Variants in TRDN observed in about 807,000 individuals in gnomAD.
The protein encoded by TRDN is triadin in skeletal muscle.
In TRDN, 161 loss-of-function variants were observed where a neutral mutation model predicts 149.7. The observed-to-expected ratio is 1.08, with a 90% CI of 0.95 to 1.23. The LOEUF is 1.23. Ranked by LOEUF, TRDN falls within the 50% of genes most tolerant of loss-of-function variation. The pLI is 0.00. For synonymous variants in TRDN, 294 were observed against 250.5 expected (o/e 1.17, Z -1.64); for missense variants, 896 against 823.5 (o/e 1.09, Z -1.08).
intron 27 of TRDN, among the ~76,000 whole-genome samples, 186 bp from the exon 28 acceptor site, chr6:123,273,549 AC>A (rs1486663850): frequency 6.6e-6 from 1 of 152,018 alleles, no homozygotes. Context: ...AAACATATCC[AC>A]CTACAGCAGA....
chr6:123,493,491 A>C (rs1266799543), intron 9 of TRDN, among the ~76,000 whole-genome samples: 1 of 152,180 alleles, frequency 6.6e-6, no homozygotes, highest in Non-Finnish European at 1.5e-5. Flanking sequence ...CTTGGGACTT[A>C]TGTCATAGTG....
chr6:123,614,740 A>C (rs1340765124), intron 1 of TRDN, among the ~76,000 whole-genome samples: 1 of 152,098 alleles, frequency 6.6e-6, no homozygotes, highest in Non-Finnish European at 1.5e-5. Flanking sequence ...TGGTCTGGGA[A>C]AACATTTTAT....
intron 12 of TRDN, among the ~76,000 whole-genome samples, chr6:123,421,800 CT>C (rs370124083): frequency 0.018 from 823 of 45,440 alleles, 14 homozygotes; most frequent in African/African-American, 0.081. Flanking sequence ...GAGACCCTTT[CT>C]CTACAAAAAA....
At chr6:123,594,195 A>G (rs1329274243) in intron 1 of TRDN, among the ~76,000 whole-genome samples, 2 of 152,182 alleles carry the variant, frequency 1.3e-5, no homozygotes, top group African/African-American at 2.4e-5. Flanking sequence ...CCAGAAATTA[A>G]ATGCAGCTAT....
intron 1 of TRDN, among the ~76,000 whole-genome samples, chr6:123,595,952 A>G (rs1784019854): frequency 6.6e-6 from 1 of 152,090 alleles, no homozygotes; most frequent in Non-Finnish European, 1.5e-5. Context: ...CTAAATGTTC[A>G]AATGGGAGGA....
intron 1 of TRDN, among the ~76,000 whole-genome samples, chr6:123,572,408 ATTC>A (rs1264858090): frequency 6.6e-6 from 1 of 152,050 alleles, no homozygotes; most frequent in Admixed American, 6.6e-5. Context: ...GGTGTAACTC[ATTC>A]TTCTTCTATA....
intron 23 of TRDN, among the ~76,000 whole-genome samples, chr6:123,319,711 C>T (rs1291202777): frequency 6.6e-6 from 1 of 152,020 alleles, no homozygotes; most frequent in African/African-American, 2.4e-5. Flanking sequence ...GCCACTGAAG[C>T]CCTTCGTTTT....
chr6:123,530,977 C>T (rs183301993), intron 4 of TRDN, among the ~76,000 whole-genome samples: 1 of 151,984 alleles, frequency 6.6e-6, no homozygotes, highest in African/African-American at 2.4e-5. Context: ...GTGAAATGAA[C>T]TGTAACAACT....
intron 21 of TRDN, among the ~76,000 whole-genome samples, chr6:123,339,613 GT>G (rs1779996933): frequency 6.6e-6 from 1 of 152,144 alleles, no homozygotes; most frequent in African/African-American, 2.4e-5. Context: ...CTAGTAGCTT[GT>G]TTTTTCAAAG....
At chr6:123,517,611 T>A (rs1779474383) in intron 5 of TRDN, among the ~76,000 whole-genome samples, 1 of 152,114 alleles carries the variant, frequency 6.6e-6, no homozygotes, top group South Asian at 2.1e-4. Flanking sequence ...AAAGAATTTC[T>A]CCTTGAACTT....
intron 1 of TRDN, among the ~76,000 whole-genome samples, chr6:123,590,272 G>T (rs1783715295): frequency 6.6e-6 from 1 of 152,114 alleles, no homozygotes; most frequent in South Asian, 2.1e-4. Context: ...ATAGGATCAT[G>T]AACCCTATAG....
chr6:123,257,522 A>T (rs1473434876), intron 35 of TRDN, among the ~76,000 whole-genome samples: 2 of 152,090 alleles, frequency 1.3e-5, no homozygotes, highest in Non-Finnish European at 2.9e-5. Context: ...TGGTACCAGT[A>T]CCATGCTGTT....
chr6:123,492,549 TG>T (rs1050589337), intron 9 of TRDN, among the ~76,000 whole-genome samples: 2 of 152,030 alleles, frequency 1.3e-5, no homozygotes, highest in African/African-American at 4.8e-5. Context: ...AATATGAAAA[TG>T]CCAAGCAAGA....
At chr6:123,486,154 G>T (rs1397261862) in intron 9 of TRDN, among the ~76,000 whole-genome samples, 1 of 151,970 alleles carries the variant, frequency 6.6e-6, no homozygotes, top group Non-Finnish European at 1.5e-5. Flanking sequence ...AAATGAAATG[G>T]ATCCAAACAT....
intron 24 of TRDN, among the ~76,000 whole-genome samples, chr6:123,290,804 C>A (rs1777983116): frequency 6.6e-6 from 1 of 151,962 alleles, no homozygotes; most frequent in Non-Finnish European, 1.5e-5. Context: ...AAGGGAGTTT[C>A]AAAATATGAG....
chr6:123,345,820 T>C (rs1780225400), intron 21 of TRDN, among the ~76,000 whole-genome samples: 1 of 152,046 alleles, frequency 6.6e-6, no homozygotes, highest in Non-Finnish European at 1.5e-5. Context: ...TAAGTGATCG[T>C]TGTGTTTTTA....
chr6:123,430,475 G>A (rs898349249), intron 12 of TRDN, among the ~76,000 whole-genome samples: 5 of 151,986 alleles, frequency 3.3e-5, no homozygotes, highest in Admixed American at 6.6e-5. Context: ...CCAGCTACTA[G>A]GGAGGCCGAG....
intron 38 of TRDN, among the ~76,000 whole-genome samples, chr6:123,251,000 C>T (rs1391998672): frequency 6.6e-6 from 1 of 152,080 alleles, no homozygotes; most frequent in Non-Finnish European, 1.5e-5. Context: ...AAATCCTAAC[C>T]ATTCTTCAAG....
chr6:123,402,593 T>C (rs949626304), intron 12 of TRDN, among the ~76,000 whole-genome samples: 9 of 152,198 alleles, frequency 5.9e-5, no homozygotes, highest in Admixed American at 2.6e-4. Context: ...ACTTTTGTCT[T>C]AGTACATTGA....
Sources: allele counts gnomAD v4.1 joint callset (sites outside exome capture counted in the v4.1 genomes callset), GRCh38; gene constraint gnomAD v4.1.1; transcripts MANE v1.5; gene names NCBI Gene and HGNC (gene_info 2026-07-23, HGNC 2026-07-21).